TFAP2B: variants seen among roughly 807,000 people sequenced by gnomAD.
TFAP2B encodes transcription factor AP-2-beta.
TFAP2B carries 9 observed loss-of-function variants against 44.3 expected under a neutral mutation model. That is an observed-to-expected ratio of 0.20 (90% CI 0.12 to 0.35). The LOEUF (loss-of-function observed/expected upper bound fraction) is 0.35, where lower values mean the gene tolerates loss of function less well. Among genes scored for constraint, TFAP2B ranks in the 10% least tolerant of loss-of-function variants. The pLI, the probability that TFAP2B is intolerant of heterozygous loss-of-function variation, is 1.00. For synonymous variants in TFAP2B, 270 were observed against 263.8 expected (o/e 1.02, Z -0.23); for missense variants, 509 against 600.0 (o/e 0.85, Z 1.59).
At chr6:50,831,730 A>G (rs994009379) in intron 3 of TFAP2B, among the ~76,000 whole-genome samples, 1 of 152,202 alleles carries the variant, frequency 6.6e-6, no homozygotes. Flanking sequence ...TTAACTCAAA[A>G]AAAGGCTCAC....
At chr6:50,833,153 G>T (rs1378795787) in intron 3 of TFAP2B, among the ~76,000 whole-genome samples, 2 of 152,112 alleles carry the variant, frequency 1.3e-5, no homozygotes, top group African/African-American at 4.8e-5. Flanking sequence ...GTCATCTCTG[G>T]GTTCCATGAG....
At chr6:50,839,931 T>C (rs1476024409) in intron 5 of TFAP2B, among the ~76,000 whole-genome samples, 1 of 152,092 alleles carries the variant, frequency 6.6e-6, no homozygotes, top group Non-Finnish European at 1.5e-5. Context: ...TAGCTAGGAG[T>C]TGGCTCAGGG....
chr6:50,843,226 G>T lies in TFAP2B; in HGVS notation c.1217G>T (p.Gly406Val), dbSNP rs1343878387. The T allele has an allele frequency of 6.2e-7, 1 of 1,614,172 alleles. No individual in the cohort carries two copies. Among genetic ancestry groups the T allele is most frequent in the Non-Finnish European group, 8.5e-7 (1 of 1,180,038 alleles). ...THFSLITHGFGAPAICAALTA... is the reference protein window; with the variant it reads ...THFSLITHGFVAPAICAALTA... The stretch of plus-strand genomic sequence containing the variant: ...TTCAGCCTCATCACGCACGGCTTCG[G>T]CGCCCCGGCCATTTGCGCCGCGCTC... The change falls in exon 7 of 7, where the codon GGC (glycine) becomes GTC (valine). Residue 406 changes from glycine to valine, a missense_variant. By Grantham distance (109) the Gly-to-Val change is moderately radical (BLOSUM62 -3). Transcript: ENST00000393655.
In TFAP2B at chr6:50,830,365, G is replaced by T. The variant is rs1770640801; in HGVS notation, c.601+1686G>T. On this transcript the variant is annotated intron_variant, in intron 3 of 6. Coordinates refer to ENST00000393655, the MANE Select transcript of TFAP2B (RefSeq NM_003221.4). ...CAGAGCTGAAGATTTTCTTAGATGT[G>T]GGATGCTTTGGTTTCAGAGCTTGTA... is the stretch of plus-strand genomic sequence containing the variant. The T allele has an allele frequency of 1.6e-5, 15 of 939,440 alleles. No homozygotes were observed. The South Asian group carries it at 7.4e-4, about 46-fold the overall frequency. 58.2% of individuals were successfully genotyped at this position (939,440 alleles called of 1,614,324 possible). A position where few individuals can be genotyped will look rare whatever the true frequency, so the allele number is the denominator to read the frequency against.
chr6:50,842,948 G>A, intron 6 of TFAP2B, 144 bp from the exon 7 acceptor site: 1 of 1,173,788 alleles, frequency 8.5e-7, no homozygotes, highest in Non-Finnish European at 1.3e-6. Context: ...GAGGGCGCTG[G>A]GAAAGGAAAC....
intron 3 of TFAP2B, among the ~76,000 whole-genome samples, chr6:50,831,684 A>G (rs1302945484): frequency 6.6e-6 from 1 of 152,270 alleles, no homozygotes; most frequent in East Asian, 1.9e-4. Context: ...GGGTGTACCC[A>G]GCTAATAAAA....
Position 50,836,179 on chromosome 6 carries a change from C to T in TFAP2B, c.720C>T (p.Leu240=). Residue 240 remains leucine (L), a synonymous_variant, in exon 4 of 7, where the codon CTC becomes CTT. Coordinates refer to ENST00000393655, the MANE Select transcript of TFAP2B (RefSeq NM_003221.4). ...CCGTCCCAGGCCGTTTGTCTCTGCT[C>T]AGTTCAACTTCGAAGTACAAAGTAA... ...FCSVPGRLSL[L]SSTSKYKVTV... 2 of 1,614,070 alleles carry T rather than the reference C, an allele frequency of 1.2e-6. No individual in the cohort carries two copies. The highest frequency in any genetic ancestry group is 1.1e-5 in the South Asian group (1 of 91,082).
chr6:50,841,849 G>C (rs78240784), intron 6 of TFAP2B, among the ~76,000 whole-genome samples: 1,595 of 152,282 alleles, frequency 0.01, 11 homozygotes, highest in Middle Eastern at 0.034. Flanking sequence ...GGAGAATCGA[G>C]GGTGCCTGTT....
rs1762785101 is a variant in TFAP2B at position 50,843,834 on chromosome 6, T to G, written c.*442T>G. 1 of 164,592 alleles carries G rather than the reference T, an allele frequency of 6.1e-6. No individual in the cohort carries two copies. The highest frequency in any genetic ancestry group is 1.3e-5 in the Non-Finnish European group (1 of 76,508). 10.2% of individuals were successfully genotyped at this position (164,592 alleles called of 1,614,324 possible). Reference sequence around the variant, plus strand: ...ACGAACTTTTTAATTTTAAATATATTTTTAGGAAACTCTCGCAGTCCCCGC... The same window carrying G: ...ACGAACTTTTTAATTTTAAATATATGTTTAGGAAACTCTCGCAGTCCCCGC... On this transcript the variant is annotated 3_prime_UTR_variant, in exon 7 of 7. Coordinates refer to ENST00000393655, the MANE Select transcript of TFAP2B (RefSeq NM_003221.4).
Position 50,840,255 on chromosome 6 carries a change from C to T in TFAP2B, c.1040C>T (p.Pro347Leu). The change falls in exon 6 of 7, where the codon CCG (proline) becomes CTG (leucine). Residue 347 changes from proline to leucine, a missense_variant. Physicochemically the swap from Pro to Leu is moderately conservative, Grantham distance 98 (BLOSUM62 -3). Transcript: ENST00000393655. ...TATTTGAACCGGCAGCACACAGACC[C>T]GAGTGACCTGCACTCCCGAAAGAAT... ...SEYLNRQHTD[P>L]SDLHSRKNML... 1.2e-6 allele frequency: 2 copies of T among 1,614,106 alleles called. No homozygotes were observed. The highest frequency in any genetic ancestry group is 1.1e-5 in the South Asian group (1 of 91,082).
chr6:50,819,900 G>A (rs1466256376), intron 1 of TFAP2B, among the ~76,000 whole-genome samples: 1 of 151,956 alleles, frequency 6.6e-6, no homozygotes, highest in African/African-American at 2.4e-5. Context: ...CGAGGCGCGG[G>A]GCGCGCGGCG....
chr6:50,839,327 GATA>G (rs1251667426), intron 5 of TFAP2B, among the ~76,000 whole-genome samples: 2 of 152,106 alleles, frequency 1.3e-5, no homozygotes, highest in African/African-American at 4.8e-5. Flanking sequence ...TTGTTGTTAT[GATA>G]ATAATGATTA....
At chr6:50,823,920 TC>T in intron 2 of TFAP2B, 55 bp downstream of exon 2, 1 of 1,524,096 alleles carries the variant, frequency 6.6e-7, no homozygotes, top group Non-Finnish European at 8.8e-7. Context: ...AAGGAATGCT[TC>T]TGGAGGGGGG....
At chr6:50,837,834 A>G (rs1762652554) in intron 4 of TFAP2B, 141 bp from the exon 5 acceptor site, 1 of 770,964 alleles carries the variant, frequency 1.3e-6, no homozygotes, top group East Asian at 2.5e-5. Flanking sequence ...CTATCAGCAA[A>G]TAACCAAAAG....
chr6:50,828,044 G>T (rs1335692463), intron 2 of TFAP2B, among the ~76,000 whole-genome samples: 1 of 152,184 alleles, frequency 6.6e-6, no homozygotes, highest in Non-Finnish European at 1.5e-5. Flanking sequence ...CCAAGAGACT[G>T]TCATTGTGCA....
chr6:50,843,288 G>A lies in TFAP2B; in HGVS notation c.1279G>A (p.Gly427Ser). ...LQNYLTEALK[G>S]MDKMFLNNTT... is the part of the protein sequence containing the mutation. ...GAACTATCTCACCGAGGCGCTCAAA[G>A]GCATGGACAAGATGTTCTTGAACAA... Residue 427 changes from glycine (G) to serine (S), a missense_variant, in exon 7 of 7, where the codon GGC becomes AGC. By Grantham distance (56) the Gly-to-Ser change is moderately conservative. Around this residue, in one of 3 missense-constraint regions of TFAP2B, gnomAD observed 168 missense variants for 183.2 expected, o/e 0.92. Coordinates refer to ENST00000393655, the MANE Select transcript of TFAP2B (RefSeq NM_003221.4). The A allele has an allele frequency of 6.2e-7, 1 of 1,614,124 alleles. No individual in the cohort carries two copies. Among genetic ancestry groups the A allele is most frequent in the South Asian group, 1.1e-5 (1 of 91,080 alleles).
intron 1 of TFAP2B, among the ~76,000 whole-genome samples, chr6:50,822,684 T>G (rs1220615694): frequency 6.6e-6 from 1 of 152,186 alleles, no homozygotes; most frequent in Non-Finnish European, 1.5e-5. Context: ...TAGAAATAAC[T>G]CCTATGAACC....
intron 1 of TFAP2B, among the ~76,000 whole-genome samples, 199 bp downstream of exon 1, chr6:50,819,171 C>A (rs564422866): frequency 6.6e-6 from 1 of 152,100 alleles, no homozygotes; most frequent in East Asian, 1.9e-4. Flanking sequence ...TGAAATCTGA[C>A]AACTTTAATT....
At chr6:50,821,976 T>TG (rs59203402) in intron 1 of TFAP2B, 131,026 of 281,268 alleles carry the variant, frequency 0.47, 32,050 homozygotes, top group African/African-American at 0.54. Flanking sequence ...CTTGTTGGGG[T>TG]GGGGGGCGGG....
Sources: allele counts gnomAD v4.1 joint callset (sites outside exome capture counted in the v4.1 genomes callset), GRCh38; gene constraint gnomAD v4.1.1; regional missense constraint gnomAD v4.1.1; transcripts MANE v1.5; gene names NCBI Gene and HGNC (gene_info 2026-07-23, HGNC 2026-07-21).